Variants in DEPDC1B observed in about 807,000 individuals in gnomAD.
The protein encoded by DEPDC1B is DEP domain-containing protein 1B.
DEPDC1B carries 51 observed loss-of-function variants against 66.5 expected under a neutral mutation model. The ratio of observed to expected loss-of-function variants is 0.77; its 90% CI spans 0.61 to 0.97. The LOEUF (loss-of-function observed/expected upper bound fraction) is 0.97, where lower values mean the gene tolerates loss of function less well. Among genes scored for constraint, DEPDC1B ranks in the 50% least tolerant of loss-of-function variants. The pLI is 0.00. For missense variants in DEPDC1B, 552 were observed against 637.1 expected (o/e 0.87, Z 1.44); for synonymous variants, 226 against 223.6 (o/e 1.01, Z -0.10).
intron 7 of DEPDC1B, among the ~76,000 whole-genome samples, chr5:60,632,504 G>A (rs1054092512): frequency 6.6e-5 from 10 of 152,216 alleles, no homozygotes; most frequent in Non-Finnish European, 1.2e-4. Flanking sequence ...GCGGCCACAC[G>A]GAACTTTGCC....
intron 2 of DEPDC1B, among the ~76,000 whole-genome samples, chr5:60,662,610 G>C (rs964954106): frequency 1.2e-4 from 18 of 152,124 alleles, no homozygotes; most frequent in Admixed American, 7.2e-4. Flanking sequence ...GCCTAATAGG[G>C]CTTTCTTTCA....
intron 1 of DEPDC1B, among the ~76,000 whole-genome samples, chr5:60,688,378 A>T (rs1267377656): frequency 6.6e-6 from 1 of 152,178 alleles, no homozygotes; most frequent in African/African-American, 2.4e-5. Context: ...TCAGGCTCTG[A>T]AGTCAAACAC....
intron 7 of DEPDC1B, among the ~76,000 whole-genome samples, chr5:60,611,424 G>T (rs1361168113): frequency 6.6e-6 from 1 of 152,192 alleles, no homozygotes; most frequent in Non-Finnish European, 1.5e-5. Context: ...AGTGAAAGAA[G>T]AGTCACACAT....
intron 2 of DEPDC1B, among the ~76,000 whole-genome samples, chr5:60,653,363 A>G (rs1205803927): frequency 6.6e-6 from 1 of 150,656 alleles, no homozygotes; most frequent in Non-Finnish European, 1.5e-5. Context: ...AATGTTGACC[A>G]TTTTTTCATG....
intron 7 of DEPDC1B, among the ~76,000 whole-genome samples, chr5:60,618,612 C>G (rs1288364451): frequency 6.6e-6 from 1 of 152,166 alleles, no homozygotes. Context: ...TCTGAATAGA[C>G]CAATAACAGG....
chr5:60,619,185 C>T (rs948804060), intron 7 of DEPDC1B, among the ~76,000 whole-genome samples: 8 of 152,170 alleles, frequency 5.3e-5, no homozygotes, highest in African/African-American at 1.7e-4. Context: ...CAATATCATA[C>T]TGAATGGGCA....
intron 1 of DEPDC1B, among the ~76,000 whole-genome samples, chr5:60,699,584 T>C (rs965469614): frequency 3.3e-5 from 5 of 151,616 alleles, no homozygotes; most frequent in African/African-American, 1.2e-4. Context: ...GCGATGCCCC[T>C]CTGTTCTGGG....
At chr5:60,692,129 A>G (rs972760889) in intron 1 of DEPDC1B, among the ~76,000 whole-genome samples, 7 of 152,234 alleles carry the variant, frequency 4.6e-5, no homozygotes, top group Non-Finnish European at 1.0e-4. Flanking sequence ...TGGAATCTAA[A>G]ACAATTGAGT....
chr5:60,611,527 C>G lies in DEPDC1B; in HGVS notation c.899-5671G>C, dbSNP rs552337360. ...CACAAGCTAGGCCTCTGGTGCCAAA[C>G]AGCCAAGTTATGAATGCAAAGAAAA... On this transcript the variant is annotated intron_variant, in intron 7 of 10. Coordinates refer to ENST00000265036, the MANE Select transcript of DEPDC1B (RefSeq NM_018369.3). Among the ~76,000 whole-genome samples the G allele has an allele frequency of 3.9e-5, 6 of 152,332 alleles. No homozygotes were observed. The East Asian group carries it at 1.2e-3, about 29-fold the overall frequency.
chr5:60,668,806 C>T (rs1434435339), intron 2 of DEPDC1B, among the ~76,000 whole-genome samples: 1 of 152,270 alleles, frequency 6.6e-6, no homozygotes, highest in South Asian at 2.1e-4. Flanking sequence ...TTTTCTGCTA[C>T]TGAAATAAAA....
intron 7 of DEPDC1B, among the ~76,000 whole-genome samples, chr5:60,631,864 G>A (rs1480913943): frequency 1.3e-5 from 2 of 152,192 alleles, no homozygotes; most frequent in Non-Finnish European, 2.9e-5. Flanking sequence ...CTGGTTGGTG[G>A]CTAGTGGCTG....
intron 7 of DEPDC1B, among the ~76,000 whole-genome samples, chr5:60,608,941 C>A (rs1285801282): frequency 6.6e-6 from 1 of 151,898 alleles, no homozygotes; most frequent in African/African-American, 2.4e-5. Context: ...AAATCCCATC[C>A]CTACAAAAAC....
chr5:60,647,480 T>C lies in DEPDC1B; in HGVS notation c.368A>G (p.Lys123Arg). ...CCATTCTGGAAATTTAATAACATCC[T>C]TTTGGTTTGGGGGCTTCTTTGGATA... ...KPYPKKPPNQKDVIKFPEWND... is the reference protein window; with the variant it reads ...KPYPKKPPNQRDVIKFPEWND... The change falls in exon 3 of 11, where the codon AAG (lysine) becomes AGG (arginine). Residue 123 changes from lysine (K) to arginine (R), a missense_variant. Lys to Arg is a conservative substitution (Grantham distance 26). Transcript: ENST00000265036. 1 of 1,612,682 alleles carries C rather than the reference T, an allele frequency of 6.2e-7. No individual in the cohort carries two copies. The highest frequency in any genetic ancestry group is 8.5e-7 in the Non-Finnish European group (1 of 1,179,510).
intron 2 of DEPDC1B, among the ~76,000 whole-genome samples, chr5:60,671,571 T>G (rs1241967367): frequency 6.6e-6 from 1 of 152,206 alleles, no homozygotes; most frequent in Non-Finnish European, 1.5e-5. Flanking sequence ...CATGTGGTCT[T>G]AGGCTCTTGC....
At chr5:60,630,749 CA>C in intron 7 of DEPDC1B, 1 of 153,410 alleles carries the variant, frequency 6.5e-6, no homozygotes. Flanking sequence ...CTTTGAGAAT[CA>C]AAAAGACATG....
intron 3 of DEPDC1B, 128 bp downstream of exon 3, chr5:60,647,270 A>T (rs1031374132): frequency 8.7e-7 from 1 of 1,143,748 alleles, no homozygotes; most frequent in Non-Finnish European, 1.2e-6. Flanking sequence ...AGCTGTTGGC[A>T]GGTACAATTT....
rs1290778363 is a variant in DEPDC1B at position 60,597,753 on chromosome 5, T to A, written c.1590A>T (p.Ter530TyrextTer1). Residue 530 changes from the stop codon to tyrosine (Y), a stop_lost, in exon 11 of 11, where the codon TAA (stop) becomes TAT (tyrosine). Transcript: ENST00000265036. ...AGCACCTGTTGCTGTGGAAGTATTA[T>A]TACATTCGAAAACTTCTAGTTCTTT... ...PFQRTRSFRM[*>Y] 2 of 1,612,440 alleles carry A rather than the reference T, an allele frequency of 1.2e-6. No homozygotes were observed. Among genetic ancestry groups the A allele is most frequent in the South Asian group, 2.2e-5 (2 of 90,796 alleles).
chr5:60,609,994 GT>G (rs1752384510), intron 7 of DEPDC1B, among the ~76,000 whole-genome samples: 2 of 152,028 alleles, frequency 1.3e-5, no homozygotes, highest in African/African-American at 2.4e-5. Context: ...ATCTGCCATT[GT>G]TTCCCCTCTG....
At chr5:60,608,469 ATTATG>A (rs1205281496) in intron 7 of DEPDC1B, among the ~76,000 whole-genome samples, 2 of 148,434 alleles carry the variant, frequency 1.3e-5, no homozygotes, top group African/African-American at 2.4e-5. Flanking sequence ...ATTATATTAT[ATTATG>A]TTAATTATTA....
Sources: gnomAD v4.1 joint callset for allele counts (sites outside exome capture counted in the v4.1 genomes callset) on GRCh38, gnomAD v4.1.1 for gene constraint, MANE v1.5 for transcripts, NCBI Gene and HGNC (gene_info 2026-07-23, HGNC 2026-07-21) for gene names.